SPECC1L: variants seen among roughly 807,000 people sequenced by gnomAD.
The protein encoded by SPECC1L is sperm antigen with calponin homology and coiled-coil domains 1 like.
SPECC1L carries 40 observed loss-of-function variants against 116.8 expected under a neutral mutation model. The observed-to-expected ratio is 0.34, with a 90% confidence interval of 0.27 to 0.45. The LOEUF (loss-of-function observed/expected upper bound fraction) is 0.45, where lower values mean the gene tolerates loss of function less well. Among genes scored for constraint, SPECC1L ranks in the 20% least tolerant of loss-of-function variants. SPECC1L has a pLI of 1.00. For missense variants in SPECC1L, 1,110 were observed against 1,373.6 expected (o/e 0.81, Z 3.03); for synonymous variants, 504 against 500.6 (o/e 1.01, Z -0.09).
intron 14 of SPECC1L, among the ~76,000 whole-genome samples, chr22:24,388,570 G>A (rs1340216824): frequency 6.6e-6 from 1 of 152,054 alleles, no homozygotes; most frequent in Non-Finnish European, 1.5e-5. Flanking sequence ...CTTTATAGCA[G>A]CATGATTTAT....
chr22:24,340,389 T>C (rs2146538440), intron 10 of SPECC1L, among the ~76,000 whole-genome samples: 1 of 152,090 alleles, frequency 6.6e-6, no homozygotes, highest in South Asian at 2.1e-4. Flanking sequence ...TCAAGCAATC[T>C]GCCCTCTTCA....
chr22:24,375,284 T>C (rs1315318382), intron 14 of SPECC1L, among the ~76,000 whole-genome samples: 1 of 152,166 alleles, frequency 6.6e-6, no homozygotes, highest in Admixed American at 6.5e-5. Context: ...CTCAAACTCT[T>C]CCAAAAATCA....
intron 12 of SPECC1L, among the ~76,000 whole-genome samples, chr22:24,364,470 C>T (rs2041711666): frequency 6.6e-6 from 1 of 151,942 alleles, no homozygotes; most frequent in South Asian, 2.1e-4. Flanking sequence ...CGAGACCAGC[C>T]TGGCCAACAT....
rs932391348 is a variant in SPECC1L at position 24,301,784 on chromosome 22, C to T, written c.-37-411C>T. Among the ~76,000 whole-genome samples, 35 of 152,152 alleles carry T rather than the reference C, an allele frequency of 2.3e-4. 1 individual carries two copies. Among genetic ancestry groups the T allele is most frequent in the Admixed American group, 2.1e-3 (32 of 15,264 alleles). On this transcript the variant is annotated intron_variant, in intron 2 of 16. Transcript: ENST00000314328. ...ATATCAGAGCCAGGCACGGTGCTCA[C>T]GCCTGTAATCCCAGCACTTTGAGAG...
Position 24,302,501 on chromosome 22 carries a change from CT to C in SPECC1L, c.153+119del. ...GTGCCCTCTTCTGGTGCTGGGAACA[CT>C]TGGCCTTTGAAGAGAGCTTACAGTG... On this transcript the variant is annotated intron_variant, in intron 3 of 16. Coordinates refer to ENST00000314328, the MANE Select transcript of SPECC1L (RefSeq NM_015330.6). 4 of 1,379,924 alleles carry C rather than the reference CT, an allele frequency of 2.9e-6. No homozygotes were observed. In the South Asian group the frequency reaches 4.7e-5, roughly 16 times the overall value. 85.5% of individuals were successfully genotyped at this position (1,379,924 alleles called of 1,614,324 possible).
At chr22:24,355,276 C>A in intron 11 of SPECC1L, among the ~76,000 whole-genome samples, 2 of 105,420 alleles carry the variant, frequency 1.9e-5, no homozygotes, top group Admixed American at 1.3e-4. Context: ...AGTGAGACTC[C>A]ATCTCAAAAA....
chr22:24,313,742 C>CTTTTTTTT (rs1350275306), intron 4 of SPECC1L, among the ~76,000 whole-genome samples: 2 of 129,966 alleles, frequency 1.5e-5, no homozygotes, highest in African/African-American at 2.9e-5. Context: ...GAGAAGGATT[C>CTTTTTTTT]TTTTTTTTTT....
Position 24,365,566 on chromosome 22 carries a change from C to T in SPECC1L, c.2918C>T (p.Ser973Phe). ...PASLMAMGTT[S>F]PQLSLSSSPT... ...TCTCTGATGGCTATGGGAACCACGT[C>T]TCCACAGCTTTCCCTGTCCTCTTCT... is the stretch of plus-strand genomic sequence containing the variant. The change falls in exon 13 of 17, where the codon TCT (serine) becomes TTT (phenylalanine). Residue 973 changes from serine to phenylalanine, a missense_variant. This residue lies in a region of SPECC1L where 575 missense variants were observed against 682.4 expected (regional missense o/e 0.84). Coordinates refer to ENST00000314328, the MANE Select transcript of SPECC1L (RefSeq NM_015330.6). 1 of 1,614,126 alleles carries T rather than the reference C, an allele frequency of 6.2e-7. No homozygotes were observed. Among genetic ancestry groups the T allele is most frequent in the Non-Finnish European group, 8.5e-7 (1 of 1,180,002 alleles).
At chr22:24,328,706 A>T in intron 6 of SPECC1L, 140 bp from the exon 7 acceptor site, 1 of 608,324 alleles carries the variant, frequency 1.6e-6, no homozygotes, top group Non-Finnish European at 2.9e-6. Flanking sequence ...TTTTCTGTTA[A>T]AGTTTTGTAT....
chr22:24,321,002 A>G (rs2040710179), intron 4 of SPECC1L, among the ~76,000 whole-genome samples: 1 of 152,260 alleles, frequency 6.6e-6, no homozygotes, highest in Non-Finnish European at 1.5e-5. Flanking sequence ...TATCATTTAA[A>G]TAACAGCTTT....
chr22:24,417,038 T>C lies in SPECC1L; in HGVS notation c.*2415T>C, dbSNP rs1346322339. ...ATGACTATAGATGCTCACACGTGTT[T>C]AAAGTGACATTTGGAGATGCTCTCA... On this transcript the variant is annotated 3_prime_UTR_variant, in exon 17 of 17. Transcript: ENST00000314328. The C allele has an allele frequency of 6.6e-6, 1 of 152,440 alleles. No homozygotes were observed. The highest frequency in any genetic ancestry group is 2.1e-4 in the South Asian group (1 of 4,832). 9.4% of individuals were successfully genotyped at this position (152,440 alleles called of 1,614,324 possible).
At chr22:24,343,378 GACAGGCAGGTGAGAATGATC>G in intron 10 of SPECC1L, 1 of 397,008 alleles carries the variant, frequency 2.5e-6, no homozygotes, top group Non-Finnish European at 4.9e-6. Context: ...AACTCTTAAG[GACAGGCAGGTGAGAATGATC>G]ACAGACTTCT....
intron 13 of SPECC1L, 81 bp downstream of exon 13, chr22:24,365,713 T>C: frequency 6.6e-7 from 1 of 1,520,454 alleles, no homozygotes; most frequent in South Asian, 1.1e-5. Context: ...TGTAAAATGA[T>C]GGCATTTGAG....
At chr22:24,344,013 C>G (rs2041237411) in intron 10 of SPECC1L, among the ~76,000 whole-genome samples, 1 of 152,076 alleles carries the variant, frequency 6.6e-6, no homozygotes, top group African/African-American at 2.4e-5. Flanking sequence ...GGTGGTTTTA[C>G]TAGTGAATTG....
chr22:24,315,355 A>G (rs1433745167), intron 4 of SPECC1L, among the ~76,000 whole-genome samples: 1 of 152,272 alleles, frequency 6.6e-6, no homozygotes, highest in Non-Finnish European at 1.5e-5. Flanking sequence ...TGTGAGAACT[A>G]GTATCCTCAT....
intron 11 of SPECC1L, among the ~76,000 whole-genome samples, chr22:24,362,319 G>A (rs566333043): frequency 5.9e-5 from 9 of 152,310 alleles, no homozygotes; most frequent in Middle Eastern, 3.4e-3. Context: ...GGTTAGCCAG[G>A]ATTAGGAGGG....
intron 6 of SPECC1L, among the ~76,000 whole-genome samples, chr22:24,327,165 C>T (rs900244348): frequency 3.3e-5 from 5 of 151,194 alleles, no homozygotes; most frequent in Non-Finnish European, 7.4e-5. Flanking sequence ...ATAATCCCAT[C>T]TCCACAGGAG....
At chr22:24,362,416 G>C (rs2041664187) in intron 11 of SPECC1L, among the ~76,000 whole-genome samples, 1 of 152,144 alleles carries the variant, frequency 6.6e-6, no homozygotes, top group Non-Finnish European at 1.5e-5. Flanking sequence ...AGAGAACAAG[G>C]GAGGAGTAGA....
At chr22:24,286,751 G>C (rs1464569526) in intron 2 of SPECC1L, among the ~76,000 whole-genome samples, 1 of 152,064 alleles carries the variant, frequency 6.6e-6, no homozygotes, top group Non-Finnish European at 1.5e-5. Context: ...ACTTTTTGCA[G>C]TAATTCAGGC....
Sources: allele counts gnomAD v4.1 joint callset (sites outside exome capture counted in the v4.1 genomes callset), GRCh38; gene constraint gnomAD v4.1.1; regional missense constraint gnomAD v4.1.1; transcripts MANE v1.5; gene names NCBI Gene and HGNC (gene_info 2026-07-23, HGNC 2026-07-21).